TANGO6: variants seen among roughly 807,000 people sequenced by gnomAD.
The protein encoded by TANGO6 is transport and Golgi organization protein 6 homolog.
A neutral mutation model predicts 114.2 loss-of-function variants in TANGO6; 90 were observed. That is an observed-to-expected ratio of 0.79 (90% CI 0.66 to 0.94). The LOEUF (loss-of-function observed/expected upper bound fraction) is 0.94. Among genes scored for constraint, TANGO6 ranks in the 40% least tolerant of loss-of-function variants. The probability of loss-of-function intolerance (pLI) is 0.00; values close to 1 mark genes in which losing one functional copy is unlikely to be tolerated. For missense variants in TANGO6, 1,274 were observed against 1,315.3 expected (o/e 0.97, Z 0.49); for synonymous variants, 477 against 509.8 (o/e 0.94, Z 0.87).
intron 17 of TANGO6, among the ~76,000 whole-genome samples, chr16:69,054,278 A>G (rs150791481): frequency 1.2e-3 from 177 of 152,282 alleles, no homozygotes; most frequent in African/African-American, 4.0e-3. Flanking sequence ...CAAAGGGTAA[A>G]CACTCCAGGC....
intron 15 of TANGO6, among the ~76,000 whole-genome samples, chr16:68,993,425 G>A (rs1963962731): frequency 6.6e-6 from 1 of 152,338 alleles, no homozygotes; most frequent in Admixed American, 6.5e-5. Context: ...CTCTCTGCAA[G>A]TTTTGAAATA....
chr16:68,872,343 C>A (rs1962285165), intron 4 of TANGO6, among the ~76,000 whole-genome samples: 1 of 151,426 alleles, frequency 6.6e-6, no homozygotes, highest in Admixed American at 6.6e-5. Context: ...GCTCTGTCAC[C>A]CAGGCTGGAG....
chr16:69,020,502 G>A (rs138264749), intron 15 of TANGO6, among the ~76,000 whole-genome samples: 207 of 152,328 alleles, frequency 1.4e-3, no homozygotes, highest in Admixed American at 0.012. Flanking sequence ...GACTTTCAAG[G>A]AGGGCTAATT....
intron 14 of TANGO6, among the ~76,000 whole-genome samples, chr16:68,968,740 G>C (rs1341898599): frequency 7.0e-6 from 1 of 143,858 alleles, no homozygotes; most frequent in Non-Finnish European, 1.5e-5. Context: ...GCATGATCTC[G>C]GCTCACTGCA....
chr16:68,875,355 T>A, intron 5 of TANGO6, 65 bp downstream of exon 5: 1 of 1,558,442 alleles, frequency 6.4e-7, no homozygotes, highest in African/African-American at 1.4e-5. Flanking sequence ...AGAGGACTTT[T>A]AATGTTCCTC....
intron 16 of TANGO6, among the ~76,000 whole-genome samples, chr16:69,027,095 C>G (rs1203317790): frequency 6.6e-6 from 1 of 152,192 alleles, no homozygotes; most frequent in Non-Finnish European, 1.5e-5. Flanking sequence ...CTCCTGACCT[C>G]AAGTGATCTG....
chr16:68,943,064 C>G (rs1462096851), intron 14 of TANGO6, among the ~76,000 whole-genome samples: 1 of 150,826 alleles, frequency 6.6e-6, no homozygotes, highest in African/African-American at 2.4e-5. Flanking sequence ...CCACACCCAG[C>G]TAATTTTTGT....
intron 7 of TANGO6, 111 bp downstream of exon 7, chr16:68,880,741 T>C: frequency 1.6e-6 from 1 of 629,024 alleles, no homozygotes; most frequent in Non-Finnish European, 2.5e-6. Context: ...CCCAGTCTGG[T>C]CTTGAACTCC....
chr16:68,939,869 G>T (rs1447249825), intron 14 of TANGO6, among the ~76,000 whole-genome samples: 2 of 151,752 alleles, frequency 1.3e-5, no homozygotes, highest in African/African-American at 2.4e-5. Flanking sequence ...GTCTCTTTTT[G>T]CAGTCTGCTT....
rs575473969 is a variant in TANGO6 at position 68,916,164 on chromosome 16, A to G, written c.1993-2921A>G. ...CTTTCAAATATTTAATACTTAAAAA[A>G]AGACTCTAGATCAGGGGTCTCCAAC... On this transcript the variant is annotated intron_variant, in intron 11 of 17. Coordinates refer to ENST00000261778, the MANE Select transcript of TANGO6 (RefSeq NM_024562.2). Among the ~76,000 whole-genome samples the G allele has an allele frequency of 5.2e-4, 79 of 152,268 alleles. 1 individual carries two copies. The highest frequency in any genetic ancestry group is 7.3e-5 in the Non-Finnish European group (5 of 68,030).
At chr16:69,067,518 C>CAAAAAAAAA (rs1199698790) in intron 17 of TANGO6, among the ~76,000 whole-genome samples, 714 of 43,682 alleles carry the variant, frequency 0.016, 75 homozygotes, top group African/African-American at 0.065. Flanking sequence ...AACTCCATCT[C>CAAAAAAAAA]AAAAAAAAAA....
chr16:68,914,242 A>C (rs1229800579), intron 11 of TANGO6, among the ~76,000 whole-genome samples: 1 of 152,142 alleles, frequency 6.6e-6, no homozygotes, highest in African/African-American at 2.4e-5. Context: ...GCTTACCGCA[A>C]CCTCTGCCTC....
chr16:68,980,383 T>TCTCTCTCTCTCTC lies in TANGO6; in HGVS notation c.2842+6215_2842+6216insCTCTCTCTCTCTC, dbSNP rs1555526453. ...TGAGTATGAATCTATCTGTCTGTCA[T>TCTCTCTCTCTCTC]TCTCTCTCTCTCTCTCTCTCTCTCT... On this transcript the variant is annotated intron_variant, in intron 15 of 17. Coordinates refer to ENST00000261778, the MANE Select transcript of TANGO6 (RefSeq NM_024562.2). Among the ~76,000 whole-genome samples the TCTCTCTCTCTCTC allele has an allele frequency of 1.9e-3, 70 of 36,786 alleles. 6 individuals carry two copies. Among genetic ancestry groups the TCTCTCTCTCTCTC allele is most frequent in the African/African-American group, 5.0e-3 (47 of 9,380 alleles). 24.1% of individuals were successfully genotyped at this position (36,786 alleles called of 152,430 possible). A position where few individuals can be genotyped will look rare whatever the true frequency, so the allele number is the denominator to read the frequency against.
intron 17 of TANGO6, among the ~76,000 whole-genome samples, chr16:69,063,216 T>C (rs1433146781): frequency 9.2e-5 from 11 of 119,580 alleles, no homozygotes; most frequent in Admixed American, 5.4e-4. Flanking sequence ...GAGCCAGACT[T>C]CGTCTGAAAA....
chr16:69,003,103 A>T (rs189740774), intron 15 of TANGO6, among the ~76,000 whole-genome samples: 12 of 152,250 alleles, frequency 7.9e-5, no homozygotes, highest in Admixed American at 7.2e-4. Flanking sequence ...CAAGCAGCTG[A>T]CACCTCTGGC....
intron 16 of TANGO6, among the ~76,000 whole-genome samples, chr16:69,025,127 C>T (rs893644704): frequency 1.3e-5 from 2 of 152,230 alleles, no homozygotes; most frequent in Non-Finnish European, 2.9e-5. Context: ...GGACCTCTGG[C>T]TGGGAATGCC....
intron 15 of TANGO6, among the ~76,000 whole-genome samples, 176 bp from the exon 16 acceptor site, chr16:69,022,652 T>TGA (rs1435579249): frequency 2.0e-5 from 3 of 151,904 alleles, no homozygotes; most frequent in Non-Finnish European, 4.4e-5. Flanking sequence ...TGCAGTGAGC[T>TGA]GTGATTGTGC....
At chr16:69,018,139 C>T (rs1331955630) in intron 15 of TANGO6, among the ~76,000 whole-genome samples, 14 of 77,080 alleles carry the variant, frequency 1.8e-4, no homozygotes, top group African/African-American at 4.6e-4. Context: ...TTGGAAATCT[C>T]TTTTTTTTTT....
At chr16:69,081,916 C>T (rs1490884735) in intron 17 of TANGO6, among the ~76,000 whole-genome samples, 4 of 152,034 alleles carry the variant, frequency 2.6e-5, no homozygotes, top group Non-Finnish European at 5.9e-5. Context: ...TCACTGCAAC[C>T]TCCGCCTCCT....
Sources: allele counts gnomAD v4.1 joint callset (sites outside exome capture counted in the v4.1 genomes callset), GRCh38; gene constraint gnomAD v4.1.1; transcripts MANE v1.5; gene names NCBI Gene and HGNC (gene_info 2026-07-23, HGNC 2026-07-21).